The following MYCBP2 variants were observed in gnomAD, a reference collection of about 807,000 sequenced individuals.
The protein encoded by MYCBP2 is MYC binding protein 2.
MYCBP2 carries 120 observed loss-of-function variants against 525.3 expected under a neutral mutation model. That is an observed-to-expected ratio of 0.23 (90% CI 0.20 to 0.27). The LOEUF is 0.27. Ranked by LOEUF, MYCBP2 falls within the 10% of genes least tolerant of loss-of-function variation. MYCBP2 has a pLI of 1.00. For synonymous variants in MYCBP2, 1,894 were observed against 1,955.8 expected, an observed-to-expected ratio of 0.97 and a Z score of 0.83; for missense variants, 4,149 against 5,657.1, an observed-to-expected ratio of 0.73 and a Z score of 8.55.
chr13:77,273,464 T>A lies in MYCBP2; in HGVS notation c.945+8A>T, dbSNP rs745890025. On this transcript the variant is annotated splice_region_variant and intron_variant, in intron 5 of 82. Coordinates refer to ENST00000544440, the MANE Select transcript of MYCBP2 (RefSeq NM_015057.5). ...ATAAACTTCTAAGCAGATATAAATA[T>A]GAAATACCTGAATAGTTTGGCAAGC... is the stretch of plus-strand genomic sequence containing the variant. 5 of 1,562,800 alleles carry A rather than the reference T, an allele frequency of 3.2e-6. No individual in the cohort carries two copies. Among genetic ancestry groups the A allele is most frequent in the Admixed American group, 4.2e-5 (2 of 47,676 alleles).
chr13:77,186,117 C>A (rs1340660445), intron 30 of MYCBP2, 54 bp from the exon 31 acceptor site: 3 of 1,301,818 alleles, frequency 2.3e-6, no homozygotes, highest in African/African-American at 1.5e-5. Context: ...ATACCATAAA[C>A]GGAATCAAAT....
chr13:77,169,137 G>A (rs542379007), intron 39 of MYCBP2, among the ~76,000 whole-genome samples: 7 of 152,106 alleles, frequency 4.6e-5, no homozygotes, highest in Admixed American at 2.0e-4. Context: ...GGCCGGGCGC[G>A]GTGGCTCACG....
At chr13:77,273,447 C>G in intron 5 of MYCBP2, 25 bp downstream of exon 5, 1 of 1,536,654 alleles carries the variant, frequency 6.5e-7, no homozygotes. Flanking sequence ...TTATAAACTT[C>G]TAAGCAGATA....
Position 77,058,230 on chromosome 13 carries a change from T to C in MYCBP2, c.13317A>G (p.Ala4439=). The stretch of plus-strand genomic sequence containing the variant: ...AAGCTGAGGCAACCTGAATGGCTGG[T>C]GCTGCCGAGAGCGCTTCGGTGAAAC... ...MICFTEALSA[A]PAIQLDCSHI... Residue 4439 remains alanine (A), a synonymous_variant, in exon 78 of 83, where the codon GCA becomes GCG. Transcript: ENST00000544440. The surrounding 1 kb of genome is among the most constrained non-coding windows in gnomAD (Gnocchi z 4.1). The C allele has an allele frequency of 6.2e-7, 1 of 1,613,742 alleles. No homozygotes were observed. Among genetic ancestry groups the C allele is most frequent in the Non-Finnish European group, 8.5e-7 (1 of 1,179,836 alleles).
chr13:77,289,111 C>T (rs2077201359), intron 2 of MYCBP2, among the ~76,000 whole-genome samples: 1 of 151,484 alleles, frequency 6.6e-6, no homozygotes, highest in Non-Finnish European at 1.5e-5. Context: ...AGAGTATGTC[C>T]AGGAAGTATC....
chr13:77,310,676 G>A (rs1349344349), intron 1 of MYCBP2, among the ~76,000 whole-genome samples: 1 of 151,786 alleles, frequency 6.6e-6, no homozygotes, highest in African/African-American at 2.4e-5. Flanking sequence ...GGAAATAAAG[G>A]CCAAAATTTG....
intron 33 of MYCBP2, 82 bp from the exon 34 acceptor site, chr13:77,180,400 G>C (rs1430751026): frequency 3.4e-6 from 4 of 1,192,254 alleles, no homozygotes; most frequent in Non-Finnish European, 4.8e-6. Context: ...TTGTCTTTCT[G>C]ATACTCTTAA....
At chr13:77,301,742 T>C (rs960120926) in intron 1 of MYCBP2, among the ~76,000 whole-genome samples, 4 of 152,106 alleles carry the variant, frequency 2.6e-5, no homozygotes, top group East Asian at 1.9e-4. Flanking sequence ...ACCAGAAAAT[T>C]AGTCAGACTC....
chr13:77,142,796 T>C (rs931573137), intron 49 of MYCBP2, among the ~76,000 whole-genome samples: 1 of 152,214 alleles, frequency 6.6e-6, no homozygotes, highest in Admixed American at 6.5e-5. Context: ...CTTTGGGTGC[T>C]GACATGATGC....
Position 77,156,058 on chromosome 13 carries a change from C to A in MYCBP2, c.6915G>T (p.Lys2305Asn), listed in dbSNP as rs775878504. Residue 2305 changes from lysine (K) to asparagine (N), a missense_variant and splice_region_variant, in exon 46 of 83, where the codon AAG (lysine) becomes AAT (asparagine). This residue lies in a region of MYCBP2 where 692 missense variants were observed against 852.7 expected (regional missense o/e 0.81). Transcript: ENST00000544440. ...GCTAATTTAATCCAGTTATAATTAC[C>A]TTCATATTGGGAACATGTACCACAT... ...YGDVVHVPNM[K>N]VEVKAVPVSQ... 1 of 1,610,000 alleles carries A rather than the reference C, an allele frequency of 6.2e-7. No homozygotes were observed.
chr13:77,194,298 G>T, intron 26 of MYCBP2, 54 bp from the exon 27 acceptor site: 2 of 1,283,804 alleles, frequency 1.6e-6, no homozygotes, highest in Non-Finnish European at 2.3e-6. Flanking sequence ...CATATCTGAT[G>T]AACAATGTGT....
chr13:77,140,666 A>C (rs964924007), intron 50 of MYCBP2, among the ~76,000 whole-genome samples, 180 bp downstream of exon 50: 28 of 152,226 alleles, frequency 1.8e-4, no homozygotes, highest in Admixed American at 7.2e-4. Flanking sequence ...CCAAATAAAG[A>C]AGTACACATG....
At chr13:77,169,807 T>C in intron 38 of MYCBP2, 93 bp from the exon 39 acceptor site, 1 of 1,113,882 alleles carries the variant, frequency 9.0e-7, no homozygotes, top group Non-Finnish European at 1.3e-6. Context: ...TTCTGCTCTT[T>C]TGAGCGAAAC....
Position 77,097,884 on chromosome 13 carries a change from T to C in MYCBP2, c.9270A>G (p.Ser3090=). 1 of 1,612,880 alleles carries C rather than the reference T, an allele frequency of 6.2e-7. No individual in the cohort carries two copies. The highest frequency in any genetic ancestry group is 8.5e-7 in the Non-Finnish European group (1 of 1,179,674). ...EKETKLKNRH[S]LEISSALNMF... is the part of the protein sequence containing the mutation. ...TATTCAGTGCAGATGATATTTCTAA[T>C]GAATGTCTATTTTTTAACTTGGTTT... Residue 3090 remains serine (S), a synonymous_variant, in exon 56 of 83, where the codon TCA becomes TCG. Transcript: ENST00000544440.
rs527276691 is a variant in MYCBP2, at chr13:77,126,465, T to G, written c.7737A>C (p.Gln2579His). ...CCPQEATMQE[Q>H]DMPFLRGGPG... ...GCCCTCCTCGCAAGAATGGCATATC[T>G]TGTTCTTGCATTGTTGCTTCCTGTG... is the stretch of plus-strand genomic sequence containing the variant. The change falls in exon 53 of 83, where the codon CAA becomes CAC. Residue 2579 changes from glutamine (Q) to histidine (H), a missense_variant. Around this residue, in one of 21 missense-constraint regions of MYCBP2, gnomAD observed 692 missense variants for 852.7 expected, o/e 0.81. Coordinates refer to ENST00000544440, the MANE Select transcript of MYCBP2 (RefSeq NM_015057.5). 1 of 1,614,032 alleles carries G rather than the reference T, an allele frequency of 6.2e-7. No individual in the cohort carries two copies. Among genetic ancestry groups the G allele is most frequent in the East Asian group, 2.2e-5 (1 of 44,886 alleles).
At chr13:77,162,723 C>T (rs1028878278) in intron 43 of MYCBP2, among the ~76,000 whole-genome samples, 2 of 152,060 alleles carry the variant, frequency 1.3e-5, no homozygotes, top group Admixed American at 6.5e-5. Flanking sequence ...GTGGTGCGAT[C>T]TCGGCTCACT....
chr13:77,210,757 G>T (rs1272855184), intron 23 of MYCBP2, among the ~76,000 whole-genome samples: 1 of 152,000 alleles, frequency 6.6e-6, no homozygotes, highest in African/African-American at 2.4e-5. Context: ...ATATAAACAG[G>T]ATTGATGACA....
chr13:77,326,425 G>T lies in MYCBP2; in HGVS notation c.302+49C>A. The T allele has an allele frequency of 6.7e-7, 1 of 1,486,420 alleles. No homozygotes were observed. The allele number at this position is 1,486,420 out of a possible 1,614,324, so 92.1% of individuals were successfully genotyped here. On this transcript the variant is annotated intron_variant, in intron 1 of 82. Transcript: ENST00000544440. The surrounding 1 kb of genome is among the most constrained non-coding windows in gnomAD (Gnocchi z 4.2). ...CGCGGGTGCACGCGCGGCATGGGGC[G>T]CAAGGAAGGGCGGCATGGGGCGCAA...
rs570170549 is a variant in MYCBP2 at position 77,097,730 on chromosome 13, A to G, written c.9424T>C (p.Phe3142Leu). 50 of 1,613,640 alleles carry G rather than the reference A, an allele frequency of 3.1e-5. No homozygotes were observed. The South Asian group carries it at 5.3e-4, about 17-fold the overall frequency. Residue 3142 changes from phenylalanine (F) to leucine (L), a missense_variant, in exon 56 of 83, where the codon TTT becomes CTT. Physicochemically the swap from Phe to Leu is conservative, Grantham distance 22. This residue lies in a region of MYCBP2 where 653 missense variants were observed against 744.7 expected (regional missense o/e 0.88). Transcript: ENST00000544440. ...KCEDGKTETT[F>L]EMSMHNTMKS... ...ATTGTGTTATGCATGGACATTTCAAAAGTGGTCTCGGTTTTCCCATCCTCA... is the reference window on the plus strand; with the variant it reads ...ATTGTGTTATGCATGGACATTTCAAGAGTGGTCTCGGTTTTCCCATCCTCA...
Sources: gnomAD v4.1 joint callset for allele counts (sites outside exome capture counted in the v4.1 genomes callset) on GRCh38, gnomAD v4.1.1 for gene constraint, gnomAD v4.1.1 regional missense constraint, Gnocchi (gnomAD v3.1) non-coding constraint, MANE v1.5 for transcripts, NCBI Gene and HGNC (gene_info 2026-07-23, HGNC 2026-07-21) for gene names.